Variants in PINX1 observed in about 807,000 individuals in gnomAD.
The protein encoded by PINX1 is PIN2 (TERF1) interacting telomerase inhibitor 1.
PINX1 carries 34 observed loss-of-function variants against 25.4 expected under a neutral mutation model. The ratio of observed to expected loss-of-function variants is 1.34; its 90% CI spans 1.02 to 1.78. The LOEUF (loss-of-function observed/expected upper bound fraction) is 1.78, where lower values mean the gene tolerates loss of function less well. Among genes scored for constraint, PINX1 ranks in the 40% most tolerant of loss-of-function variants. The pLI is 0.00. For synonymous variants in PINX1, 197 were observed against 147.7 expected (o/e 1.33, Z -2.42); for missense variants, 592 against 404.9 (o/e 1.46, Z -3.97).
chr8:10,778,714 A>C (rs751534889), intron 6 of PINX1, among the ~76,000 whole-genome samples: 1 of 152,128 alleles, frequency 6.6e-6, no homozygotes, highest in Non-Finnish European at 1.5e-5. Flanking sequence ...TTTGGTAAAC[A>C]CCCACTGGCA....
chr8:10,800,227 A>C (rs1443384146), intron 6 of PINX1, among the ~76,000 whole-genome samples: 1 of 152,250 alleles, frequency 6.6e-6, no homozygotes, highest in Non-Finnish European at 1.5e-5. Flanking sequence ...TATTATTCTT[A>C]AGGATTCATG....
rs1798294217 is a variant in PINX1 at position 10,833,569 on chromosome 8, CTGGAGAAGAGACGACTGGGGTGCG to C, written c.130-609_130-586del. The C allele has an allele frequency of 4.0e-5, 6 of 148,878 alleles. 2 individuals carry two copies. In the South Asian group the frequency reaches 4.4e-4, roughly 11 times the overall value. The allele number at this position is 148,878 out of a possible 1,614,324, so 9.2% of individuals were successfully genotyped here. A position where few individuals can be genotyped will look rare whatever the true frequency, so the allele number is the denominator to read the frequency against. On this transcript the variant is annotated intron_variant, in intron 2 of 6. Coordinates refer to ENST00000314787, the MANE Select transcript of PINX1 (RefSeq NM_017884.6). ...GAAGAGACGACTGGGGTGCGGGAGG[CTGGAGAAGAGACGACTGGGGTGCG>C]GGAGGCTGGAGAAGAATGACAACTG...
At chr8:10,812,325 A>G (rs1265474544) in intron 6 of PINX1, among the ~76,000 whole-genome samples, 2 of 152,240 alleles carry the variant, frequency 1.3e-5, no homozygotes, top group Non-Finnish European at 2.9e-5. Context: ...TAAAACTTCA[A>G]GTCAAGACTT....
At chr8:10,833,050 T>C in intron 2 of PINX1, 66 bp from the exon 3 acceptor site, 5 of 988,708 alleles carry the variant, frequency 5.1e-6, no homozygotes, top group Non-Finnish European at 7.6e-6. Context: ...AGAGCACTGC[T>C]ACAAAACTCA....
intron 6 of PINX1, among the ~76,000 whole-genome samples, chr8:10,812,500 A>G (rs1797559303): frequency 6.6e-6 from 1 of 152,190 alleles, no homozygotes; most frequent in African/African-American, 2.4e-5. Context: ...TGTGGCCAGC[A>G]GCTCTGCCAG....
intron 5 of PINX1, chr8:10,825,547 G>A: frequency 2.0e-6 from 1 of 498,740 alleles, no homozygotes. Flanking sequence ...ATGCACAAAT[G>A]ATTTCACATA....
At chr8:10,831,071 G>A (rs1239931201) in intron 4 of PINX1, among the ~76,000 whole-genome samples, 5 of 152,202 alleles carry the variant, frequency 3.3e-5, no homozygotes, top group Non-Finnish European at 5.9e-5. Flanking sequence ...CATGAACTGG[G>A]AAACATGTGG....
intron 6 of PINX1, among the ~76,000 whole-genome samples, chr8:10,782,461 C>T (rs896015528): frequency 2.6e-5 from 4 of 151,884 alleles, no homozygotes; most frequent in African/African-American, 7.3e-5. Context: ...AGAGGCCAGG[C>T]GCAGTGGCTC....
intron 6 of PINX1, among the ~76,000 whole-genome samples, chr8:10,772,463 T>C (rs901935062): frequency 6.6e-6 from 1 of 152,242 alleles, no homozygotes; most frequent in Non-Finnish European, 1.5e-5. Context: ...GTGGTTTCCA[T>C]GTAACTGAAA....
At chr8:10,816,685 C>G (rs902560178) in intron 6 of PINX1, among the ~76,000 whole-genome samples, 1 of 152,228 alleles carries the variant, frequency 6.6e-6, no homozygotes, top group African/African-American at 2.4e-5. Flanking sequence ...GCATCAACCA[C>G]TGGTGTCTCT....
In PINX1 at chr8:10,826,223, T is replaced by C. The variant is rs767720622; in HGVS notation, c.323A>G (p.Lys108Arg). Reference sequence around the variant, plus strand: ...CTTTTCCTCAAGGCTAAAAGATTTCTTTTCCTTCTTGTCCGAGGAATCTTT... The same window carrying C: ...CTTTTCCTCAAGGCTAAAAGATTTCCTTTCCTTCTTGTCCGAGGAATCTTT... The part of the protein sequence containing the change: ...ETTDSSDKKE[K>R]KSFSLEEKSK... The change falls in exon 5 of 7, where the codon AAG (lysine) becomes AGG (arginine). Residue 108 changes from lysine to arginine, a missense_variant. By Grantham distance (26) the Lys-to-Arg change is conservative. Transcript: ENST00000314787. The C allele has an allele frequency of 3.2e-6, 5 of 1,585,832 alleles. No homozygotes were observed. In the South Asian group the frequency reaches 5.7e-5, roughly 18 times the overall value.
At chr8:10,804,119 C>T (rs1205292423) in intron 6 of PINX1, among the ~76,000 whole-genome samples, 1 of 152,176 alleles carries the variant, frequency 6.6e-6, no homozygotes, top group Non-Finnish European at 1.5e-5. Flanking sequence ...GGAAGACACA[C>T]ACTGTTGAAA....
chr8:10,828,970 C>T (rs757286064), intron 4 of PINX1, among the ~76,000 whole-genome samples: 7 of 152,188 alleles, frequency 4.6e-5, no homozygotes, highest in Non-Finnish European at 8.8e-5. Context: ...TATAACAGAT[C>T]TGCTAATTTT....
intron 3 of PINX1, among the ~76,000 whole-genome samples, 182 bp downstream of exon 3, chr8:10,832,710 C>T (rs543500198): frequency 2.6e-5 from 4 of 152,230 alleles, no homozygotes; most frequent in East Asian, 1.9e-4. Context: ...ATAAAAAGCG[C>T]GGTAGGCCAC....
chr8:10,774,510 A>G (rs907388910), intron 6 of PINX1, among the ~76,000 whole-genome samples: 6 of 152,074 alleles, frequency 3.9e-5, no homozygotes, highest in African/African-American at 1.4e-4. Context: ...CGAACTCCCG[A>G]CCTCAGGTGA....
intron 6 of PINX1, among the ~76,000 whole-genome samples, chr8:10,769,370 T>A (rs370393264): frequency 6.6e-6 from 1 of 152,318 alleles, no homozygotes; most frequent in East Asian, 1.9e-4. Flanking sequence ...GTGCATCACA[T>A]GTGTCAAAAA....
intron 6 of PINX1, among the ~76,000 whole-genome samples, chr8:10,781,523 A>T (rs1313975243): frequency 6.6e-6 from 1 of 152,222 alleles, no homozygotes; most frequent in African/African-American, 2.4e-5. Flanking sequence ...TAACCTGATT[A>T]AAAAATGGGC....
At chr8:10,779,994 C>T (rs553158072) in intron 6 of PINX1, among the ~76,000 whole-genome samples, 14 of 152,214 alleles carry the variant, frequency 9.2e-5, no homozygotes, top group African/African-American at 3.4e-4. Context: ...CTATTAAATA[C>T]CACTTAGGGT....
chr8:10,795,006 C>A lies in PINX1; in HGVS notation c.471+25187G>T, dbSNP rs115841690. ...GGTGACGCTAGAAATGAACACCTCA[C>A]GTTTCCAAATACTTTTAAAAAGGAC... On this transcript the variant is annotated intron_variant, in intron 6 of 6. Transcript: ENST00000314787. Among the ~76,000 whole-genome samples, 1,314 of 152,220 alleles carry A rather than the reference C, an allele frequency of 8.6e-3. 20 individuals carry two copies. The highest frequency in any genetic ancestry group is 0.029 in the African/African-American group (1,209 of 41,528).
Sources: gnomAD v4.1 joint callset for allele counts (sites outside exome capture counted in the v4.1 genomes callset) on GRCh38, gnomAD v4.1.1 for gene constraint, MANE v1.5 for transcripts, NCBI Gene and HGNC (gene_info 2026-07-23, HGNC 2026-07-21) for gene names.